SLC22A24: variants seen among roughly 807,000 people sequenced by gnomAD.
SLC22A24 encodes the protein solute carrier family 22 member 24, also known as steroid transmembrane transporter SLC22A24.
A neutral mutation model predicts 49.8 loss-of-function variants in SLC22A24; 53 were observed. The ratio of observed to expected loss-of-function variants is 1.06; its 90% CI spans 0.85 to 1.34. The LOEUF (loss-of-function observed/expected upper bound fraction) is 1.34. Ranked by LOEUF, SLC22A24 falls within the 40% of genes most tolerant of loss-of-function variation. The pLI, the probability that SLC22A24 is intolerant of heterozygous loss-of-function variation, is 0.00. For missense variants in SLC22A24, 786 were observed against 675.9 expected, an observed-to-expected ratio of 1.16 and a Z score of -1.81; for synonymous variants, 302 against 256.4, an observed-to-expected ratio of 1.18 and a Z score of -1.70.
intron 2 of SLC22A24, among the ~76,000 whole-genome samples, chr11:63,125,984 C>T (rs553495165): frequency 2.8e-4 from 43 of 152,184 alleles, no homozygotes; most frequent in East Asian, 5.8e-4. Context: ...TCATATCCTT[C>T]GCCCACTTTT....
At chr11:63,119,129 C>T (rs1348672296) in intron 3 of SLC22A24, 49 bp from the exon 4 acceptor site, 1 of 1,526,186 alleles carries the variant, frequency 6.6e-7, no homozygotes, top group Non-Finnish European at 8.8e-7. Context: ...ATGGTAATTT[C>T]AAGGTCAATT....
intron 5 of SLC22A24, among the ~76,000 whole-genome samples, chr11:63,102,043 A>G (rs1470124967): frequency 1.3e-5 from 2 of 152,146 alleles, no homozygotes; most frequent in African/African-American, 4.8e-5. Flanking sequence ...CAGTGTGACT[A>G]AAGTGAACAA....
chr11:63,080,945 T>C lies in SLC22A24; in HGVS notation c.1573A>G (p.Asn525Asp). The change falls in exon 9 of 10, where the codon AAC (asparagine) becomes GAC (aspartate). Residue 525 changes from asparagine (N) to aspartate (D), a missense_variant. Coordinates refer to ENST00000612278, the MANE Select transcript of SLC22A24 (RefSeq NM_001136506.2). ...LPETRDLPLP[N>D]TIQDVENDRK... ...TCATTTTCCACATCCTGGATGGTGTTAGGAAGAGGTAGATCCCTGGTTTCT... is the reference window on the plus strand; with the variant it reads ...TCATTTTCCACATCCTGGATGGTGTCAGGAAGAGGTAGATCCCTGGTTTCT... 6.4e-7 allele frequency: 1 copy of C among 1,552,094 alleles called. No homozygotes were observed. The highest frequency in any genetic ancestry group is 8.7e-7 in the Non-Finnish European group (1 of 1,147,318).
chr11:63,134,321 C>A (rs1396056978), intron 2 of SLC22A24, among the ~76,000 whole-genome samples: 1 of 152,132 alleles, frequency 6.6e-6, no homozygotes, highest in Non-Finnish European at 1.5e-5. Context: ...GCACCTCCTG[C>A]CTCAAACACC....
chr11:63,134,821 T>TAAAG, intron 1 of SLC22A24, 53 bp from the exon 2 acceptor site: 5 of 1,258,518 alleles, frequency 4.0e-6, no homozygotes, highest in Non-Finnish European at 5.7e-6. Flanking sequence ...TTCAACTCTT[T>TAAAG]AGTAGAAACT....
At chr11:63,106,593 G>A (rs1389130235) in intron 4 of SLC22A24, among the ~76,000 whole-genome samples, 2 of 152,274 alleles carry the variant, frequency 1.3e-5, no homozygotes, top group East Asian at 3.9e-4. Context: ...AGCACCTGTT[G>A]TTTCCTGACT....
At chr11:63,107,593 C>G (rs560068961) in intron 4 of SLC22A24, among the ~76,000 whole-genome samples, 2 of 152,110 alleles carry the variant, frequency 1.3e-5, no homozygotes, top group Non-Finnish European at 2.9e-5. Context: ...TTGTTTGTGT[C>G]CTCTTTTATT....
chr11:63,092,590 G>A (rs1274273102), intron 6 of SLC22A24, among the ~76,000 whole-genome samples: 2 of 131,524 alleles, frequency 1.5e-5, no homozygotes, highest in Non-Finnish European at 3.3e-5. Context: ...CAAGCAATGG[G>A]GAAAAGATTC....
intron 4 of SLC22A24, among the ~76,000 whole-genome samples, chr11:63,105,500 C>T (rs2087115405): frequency 6.6e-6 from 1 of 152,130 alleles, no homozygotes; most frequent in South Asian, 2.1e-4. Context: ...TTTTTAACTT[C>T]TGTGCACCTG....
chr11:63,100,895 C>A (rs2087086375), intron 5 of SLC22A24, among the ~76,000 whole-genome samples: 1 of 152,040 alleles, frequency 6.6e-6, no homozygotes, highest in African/African-American at 2.4e-5. Flanking sequence ...AAAATCAAAT[C>A]AAAATGGATT....
chr11:63,099,251 G>T (rs1335663300), intron 5 of SLC22A24, among the ~76,000 whole-genome samples: 1 of 151,810 alleles, frequency 6.6e-6, no homozygotes, highest in Non-Finnish European at 1.5e-5. Flanking sequence ...AGGCTGGAGT[G>T]CAGTGATGCT....
chr11:63,091,859 C>G (rs191470977), intron 6 of SLC22A24, among the ~76,000 whole-genome samples: 4 of 152,244 alleles, frequency 2.6e-5, no homozygotes, highest in Non-Finnish European at 5.9e-5. Flanking sequence ...GACAAAGATA[C>G]CCTCTCTGAC....
At chr11:63,118,867 A>G (rs2087230328) in intron 4 of SLC22A24, 45 bp downstream of exon 4, 2 of 1,548,418 alleles carry the variant, frequency 1.3e-6, no homozygotes, top group Admixed American at 2.0e-5. Context: ...TTCTATGTCT[A>G]CCATAGCCTC....
intron 2 of SLC22A24, among the ~76,000 whole-genome samples, chr11:63,131,550 C>G (rs74486190): frequency 6.6e-6 from 1 of 152,046 alleles, no homozygotes; most frequent in African/African-American, 2.4e-5. Context: ...CTTAGTTTGG[C>G]GGGACGTGAA....
At chr11:63,129,407 C>T (rs950662734) in intron 2 of SLC22A24, among the ~76,000 whole-genome samples, 25 of 152,178 alleles carry the variant, frequency 1.6e-4, no homozygotes, top group African/African-American at 4.8e-4. Context: ...AGTCAGGTAG[C>T]GTGTTGCCTC....
rs966319842 is a variant in SLC22A24 at position 63,104,237 on chromosome 11, C to A, written c.892G>T (p.Glu298Ter). ...TTTATGTGTGCAACTCTTCTAAGCTCCTTTAAGCCCTCATCTAGCTGATTG... is the reference window on the plus strand; with the variant it reads ...TTTATGTGTGCAACTCTTCTAAGCTACTTTAAGCCCTCATCTAGCTGATTG... The part of the protein sequence containing the change: ...INNQLDEGLK[E>*]LRRVAHINGK... Residue 298 changes from glutamate (E) to a stop codon, truncating the protein, a stop_gained, in exon 5 of 10, where the codon GAG (glutamate) becomes TAG (stop). Coordinates refer to ENST00000612278, the MANE Select transcript of SLC22A24 (RefSeq NM_001136506.2). LOFTEE classifies it high-confidence loss of function. The A allele has an allele frequency of 1.8e-5, 28 of 1,550,836 alleles. No homozygotes were observed. Among genetic ancestry groups the A allele is most frequent in the Non-Finnish European group, 2.4e-5 (27 of 1,146,868 alleles).
In SLC22A24 at chr11:63,094,165, C is replaced by T. The variant is rs2087038214; in HGVS notation, c.1070+1826G>A. Among the ~76,000 whole-genome samples the T allele has an allele frequency of 2.3e-5, 3 of 131,190 alleles. No individual in the cohort carries two copies. In the South Asian group the frequency reaches 9.0e-4, roughly 39 times the overall value. The allele number at this position is 131,190 out of a possible 152,430, so 86.1% of individuals were successfully genotyped here. A position where few individuals can be genotyped will look rare whatever the true frequency, so the allele number is the denominator to read the frequency against. Reference sequence around the variant, plus strand: ...CCTCCCCCGACCCCACAACAGTCCCCAGAGTGTGATGTTCCCCTTCCTGTG... The same window carrying T: ...CCTCCCCCGACCCCACAACAGTCCCTAGAGTGTGATGTTCCCCTTCCTGTG... On this transcript the variant is annotated intron_variant, in intron 6 of 9. Transcript: ENST00000612278.
intron 9 of SLC22A24, among the ~76,000 whole-genome samples, 176 bp downstream of exon 9, chr11:63,080,744 C>T (rs565967566): frequency 1.9e-3 from 290 of 152,234 alleles, no homozygotes; most frequent in Middle Eastern, 6.8e-3. Flanking sequence ...AGTCTGACTC[C>T]ATTGTGGATA....
rs921735371 is a variant in SLC22A24 at position 63,104,277 on chromosome 11, C to A, written c.852G>T (p.Arg284=). Residue 284 remains arginine, a synonymous_variant, in exon 5 of 10, where the codon CGG becomes CGT. Transcript: ENST00000612278. Reference sequence around the variant, plus strand: ...CTAGCTGATTGTTGATAATCAGCCACCGAGCAGACTCCACCATCTTCCTGA... The same window carrying A: ...CTAGCTGATTGTTGATAATCAGCCAACGAGCAGACTCCACCATCTTCCTGA... ...LSSWKMVESA[R]WLIINNQLDE... 23 of 1,550,104 alleles carry A rather than the reference C, an allele frequency of 1.5e-5. No individual in the cohort carries two copies. The highest frequency in any genetic ancestry group is 4.1e-5 in the African/African-American group (3 of 72,996).
Sources: gnomAD v4.1 joint callset for allele counts (sites outside exome capture counted in the v4.1 genomes callset) on GRCh38, gnomAD v4.1.1 for gene constraint, MANE v1.5 for transcripts, NCBI Gene and HGNC (gene_info 2026-07-23, HGNC 2026-07-21) for gene names.